Variants in RFX4 observed in about 807,000 individuals in gnomAD.
RFX4 encodes transcription factor RFX4.
A neutral mutation model predicts 95.0 loss-of-function variants in RFX4; 10 were observed. The observed-to-expected ratio is 0.11, with a 90% CI of 0.06 to 0.18. RFX4 has a LOEUF of 0.18. Among genes scored for constraint, RFX4 ranks in the 10% least tolerant of loss-of-function variants. RFX4 has a pLI of 1.00. For synonymous variants in RFX4, 321 were observed against 340.7 expected, an observed-to-expected ratio of 0.94 and a Z score of 0.64; for missense variants, 640 against 922.0, an observed-to-expected ratio of 0.69 and a Z score of 3.96.
intron 4 of RFX4, among the ~76,000 whole-genome samples, chr12:106,655,487 G>A (rs2040939809): frequency 6.6e-6 from 1 of 152,220 alleles, no homozygotes; most frequent in South Asian, 2.1e-4. Context: ...AAGGAACTCA[G>A]TATGGCTCTG....
At chr12:106,626,454 T>C (rs1310069248) in intron 2 of RFX4, among the ~76,000 whole-genome samples, 2 of 152,096 alleles carry the variant, frequency 1.3e-5, no homozygotes, top group East Asian at 1.9e-4. Flanking sequence ...GGTTGAAGAA[T>C]CATGGGAAAT....
chr12:106,621,774 A>G (rs2040190786), intron 2 of RFX4, among the ~76,000 whole-genome samples: 1 of 152,070 alleles, frequency 6.6e-6, no homozygotes, highest in Non-Finnish European at 1.5e-5. Flanking sequence ...CTTGGGTTCC[A>G]TTTCCCAGTG....
chr12:106,588,389 A>G lies in RFX4; in HGVS notation c.43+5026A>G, dbSNP rs115873781. On this transcript the variant is annotated intron_variant, in intron 1 of 17. Transcript: ENST00000392842. ...AGGGAACACTGAAATGCTTCTAGAT[A>G]ATGAAGCTGGCATCACAGACCCTCA... Among the ~76,000 whole-genome samples the G allele has an allele frequency of 5.2e-3, 793 of 152,292 alleles. 6 individuals are homozygous for G. The highest frequency in any genetic ancestry group is 0.018 in the African/African-American group (730 of 41,554).
intron 4 of RFX4, among the ~76,000 whole-genome samples, chr12:106,658,512 A>C (rs931124946): frequency 6.6e-6 from 1 of 152,228 alleles, no homozygotes; most frequent in African/African-American, 2.4e-5. Flanking sequence ...CATCTAAGTC[A>C]GACCTTCTTC....
rs2042270507 is a variant in RFX4, at chr12:106,715,538, A to G, written c.1132A>G (p.Thr378Ala). 2 of 1,614,012 alleles carry G rather than the reference A, an allele frequency of 1.2e-6. No individual in the cohort carries two copies. Among genetic ancestry groups the G allele is most frequent in the Non-Finnish European group, 1.7e-6 (2 of 1,180,000 alleles). ...TCGCGATGAGCACCGGAAACTCATC[A>G]CCCAATGTAAGCTGTCCCACCAGGG... Reference protein sequence around the residue: ...DSRDEHRKLITQLYQEFDHLL... With the variant: ...DSRDEHRKLIAQLYQEFDHLL... Residue 378 changes from threonine to alanine, a missense_variant, in exon 11 of 18, where the codon ACC becomes GCC. Thr to Ala is a moderately conservative substitution (Grantham distance 58). Around this residue, in one of 7 missense-constraint regions of RFX4, gnomAD observed 72 missense variants for 80.5 expected, o/e 0.89. Coordinates refer to ENST00000392842, the MANE Select transcript of RFX4 (RefSeq NM_213594.3).
intron 2 of RFX4, among the ~76,000 whole-genome samples, chr12:106,634,164 A>G (rs993225686): frequency 6.6e-6 from 1 of 152,272 alleles, no homozygotes; most frequent in African/African-American, 2.4e-5. Flanking sequence ...AATTTTAAAA[A>G]GATGAACATG....
intron 5 of RFX4, chr12:106,683,481 A>AAAAC (rs1565977699): frequency 6.7e-6 from 1 of 149,366 alleles, no homozygotes; most frequent in African/African-American, 2.4e-5. Context: ...AAAAAAAAAA[A>AAAAC]AAAAAAAAAA....
chr12:106,632,518 ACT>A (rs1322811437), intron 2 of RFX4, among the ~76,000 whole-genome samples: 1 of 151,950 alleles, frequency 6.6e-6, no homozygotes, highest in African/African-American at 2.4e-5. Context: ...GTGTTCTCCT[ACT>A]CTCTACTCTC....
chr12:106,616,512 A>G (rs1359790708), intron 2 of RFX4, among the ~76,000 whole-genome samples: 1 of 152,144 alleles, frequency 6.6e-6, no homozygotes, highest in Non-Finnish European at 1.5e-5. Context: ...CTATGTCTCT[A>G]TTGTTTTGAA....
chr12:106,688,329 A>G (rs2041708902), intron 6 of RFX4, among the ~76,000 whole-genome samples: 1 of 152,022 alleles, frequency 6.6e-6, no homozygotes, highest in Non-Finnish European at 1.5e-5. Flanking sequence ...CGGCCTCCCA[A>G]AGTGCTGGGA....
intron 2 of RFX4, among the ~76,000 whole-genome samples, chr12:106,636,449 G>T (rs895327366): frequency 1.3e-5 from 2 of 151,824 alleles, no homozygotes; most frequent in Non-Finnish European, 2.9e-5. Context: ...GGCTACACTG[G>T]GCAGCTAACA....
intron 2 of RFX4, among the ~76,000 whole-genome samples, chr12:106,638,154 C>G (rs192253174): frequency 1.3e-5 from 2 of 151,992 alleles, no homozygotes; most frequent in Admixed American, 1.3e-4. Context: ...ATTACAGGTG[C>G]ATGCCACCAC....
intron 1 of RFX4, 58 bp downstream of exon 1, chr12:106,583,421 G>A (rs2039402783): frequency 3.4e-6 from 5 of 1,465,534 alleles, no homozygotes; most frequent in Non-Finnish European, 2.7e-6. Context: ...AAGGGAGAGG[G>A]GGAACTTTAG....
intron 6 of RFX4, 122 bp from the exon 7 acceptor site, chr12:106,689,165 G>C (rs571847569): frequency 2.4e-6 from 2 of 822,526 alleles, no homozygotes; most frequent in Admixed American, 3.8e-5. Context: ...AGGCTGAGCC[G>C]GTGTTAGGTG....
intron 17 of RFX4, among the ~76,000 whole-genome samples, chr12:106,755,041 G>A (rs1293172896): frequency 6.6e-6 from 1 of 152,190 alleles, no homozygotes; most frequent in African/African-American, 2.4e-5. Context: ...TTTATTCAGA[G>A]CACTGTTCTA....
At chr12:106,627,314 GAT>G (rs1359515569) in intron 2 of RFX4, among the ~76,000 whole-genome samples, 2 of 152,148 alleles carry the variant, frequency 1.3e-5, no homozygotes, top group East Asian at 1.9e-4. Flanking sequence ...GAGGCAGGCG[GAT>G]CACTTGAGAT....
intron 1 of RFX4, among the ~76,000 whole-genome samples, chr12:106,594,419 T>C (rs745788716): frequency 6.6e-6 from 1 of 152,222 alleles, no homozygotes; most frequent in South Asian, 2.1e-4. Context: ...TTTTCAGAAA[T>C]GCCAGGCTTT....
chr12:106,606,910 C>G (rs1181818812), intron 1 of RFX4, among the ~76,000 whole-genome samples: 1 of 152,194 alleles, frequency 6.6e-6, no homozygotes, highest in Non-Finnish European at 1.5e-5. Flanking sequence ...AAGGTGTTAA[C>G]TAATGATCTT....
At chr12:106,677,715 C>A (rs768665226) in intron 4 of RFX4, among the ~76,000 whole-genome samples, 1 of 151,816 alleles carries the variant, frequency 6.6e-6, no homozygotes, top group Admixed American at 6.6e-5. Flanking sequence ...TCAAAAAAAT[C>A]AAAAAAACAA....
Sources: allele counts gnomAD v4.1 joint callset (sites outside exome capture counted in the v4.1 genomes callset), GRCh38; gene constraint gnomAD v4.1.1; regional missense constraint gnomAD v4.1.1; transcripts MANE v1.5; gene names NCBI Gene and HGNC (gene_info 2026-07-23, HGNC 2026-07-21).